The following TAF4 variants were observed in gnomAD, a reference collection of about 807,000 sequenced individuals.
The protein encoded by TAF4 is transcription initiation factor TFIID subunit 4.
In TAF4, 9 loss-of-function variants were observed where a neutral mutation model predicts 90.3. The ratio of observed to expected loss-of-function variants is 0.10; its 90% CI spans 0.06 to 0.17. The LOEUF is 0.17. Ranked by LOEUF, TAF4 falls within the 10% of genes least tolerant of loss-of-function variation. The pLI, the probability that TAF4 is intolerant of heterozygous loss-of-function variation, is 1.00. For missense variants in TAF4, 1,351 were observed against 1,370.7 expected (o/e 0.99, Z 0.23); for synonymous variants, 818 against 638.9 (o/e 1.28, Z -4.23).
At position 62,065,040 on chromosome 20, in the gene TAF4, G is replaced by C. The variant is rs1478613030; in HGVS notation, c.771C>G (p.Pro257=). 1 of 626,238 alleles carries C rather than the reference G, an allele frequency of 1.6e-6. No individual in the cohort carries two copies. Among genetic ancestry groups the C allele is most frequent in the Non-Finnish European group, 2.0e-6 (1 of 510,440 alleles). 38.8% of individuals were successfully genotyped at this position (626,238 alleles called of 1,614,324 possible). A position where few individuals can be genotyped will look rare whatever the true frequency, so the allele number is the denominator to read the frequency against. Residue 257 remains proline (P), a synonymous_variant, in exon 1 of 15, where the codon CCC becomes CCG. Transcript: ENST00000252996. ...AAPPAPAAPS[P]PAAPAPAAPA... ...GGGCGGCGGGCGCGGGGGCGGCGGG[G>C]GGCGAGGGCGCGGCGGGCGCGGGGG...
chr20:62,064,428 T>TC, intron 1 of TAF4, 23 bp downstream of exon 1: 1 of 1,332,540 alleles, frequency 7.5e-7, no homozygotes, highest in Non-Finnish European at 9.7e-7. Context: ...CGCCCTTCCC[T>TC]CCCGCCCCGT....
chr20:62,012,502 G>C (rs1196726898), intron 3 of TAF4: 1 of 218,790 alleles, frequency 4.6e-6, no homozygotes, highest in Non-Finnish European at 8.8e-6. Flanking sequence ...TTCTGCTTCA[G>C]ACATGCCTTA....
intron 1 of TAF4, among the ~76,000 whole-genome samples, chr20:62,020,425 C>T (rs575044475): frequency 7.2e-5 from 11 of 152,386 alleles, no homozygotes; most frequent in African/African-American, 2.4e-4. Context: ...GGTCCCAACC[C>T]TCAGCTGCTG....
Position 62,006,735 on chromosome 20 carries a change from C to A in TAF4, c.1998G>T (p.Gln666His). The stretch of plus-strand genomic sequence containing the variant: ...TGAAGGCCGCGGAGTCGGGGGTCAG[C>A]TGTCTCAAGGCGGGTAAGCTCCTCT... ...FLKRSLPALR[Q>H]LTPDSAAFIQ... The change falls in exon 7 of 15, where the codon CAG becomes CAT. Residue 666 changes from glutamine to histidine, a missense_variant. Physicochemically the swap from Gln to His is conservative, Grantham distance 24 (BLOSUM62 0). Transcript: ENST00000252996. The surrounding 1 kb of genome is among the most constrained non-coding windows in gnomAD (Gnocchi z 7.0). 1 of 1,543,340 alleles carries A rather than the reference C, an allele frequency of 6.5e-7. No individual in the cohort carries two copies. The highest frequency in any genetic ancestry group is 1.2e-5 in the South Asian group (1 of 83,736).
intron 14 of TAF4, among the ~76,000 whole-genome samples, chr20:61,985,746 C>T (rs571941243): frequency 5.3e-5 from 8 of 151,526 alleles, no homozygotes; most frequent in Middle Eastern, 3.4e-3. Flanking sequence ...GTGAGAAGGC[C>T]GCTGTGTTCA....
chr20:62,062,608 C>A (rs999716611), intron 1 of TAF4, among the ~76,000 whole-genome samples: 1 of 152,202 alleles, frequency 6.6e-6, no homozygotes, highest in Non-Finnish European at 1.5e-5. Flanking sequence ...ACAGGAATCA[C>A]GCACAGTCAA....
At chr20:61,994,698 G>C (rs1028437160) in intron 14 of TAF4, among the ~76,000 whole-genome samples, 3 of 152,160 alleles carry the variant, frequency 2.0e-5, no homozygotes, top group Non-Finnish European at 4.4e-5. Context: ...GGTGGGGAGG[G>C]GGAGCTCTGT....
At chr20:62,034,323 C>T (rs1351394090) in intron 1 of TAF4, among the ~76,000 whole-genome samples, 2 of 152,056 alleles carry the variant, frequency 1.3e-5, no homozygotes, top group African/African-American at 2.4e-5. Context: ...TTAGAAAACG[C>T]AATTTTTTGT....
At position 62,020,388 on chromosome 20, in the gene TAF4, C is replaced by T. The variant is rs553618384; in HGVS notation, c.1361-5681G>A. On this transcript the variant is annotated intron_variant, in intron 1 of 14. Coordinates refer to ENST00000252996, the MANE Select transcript of TAF4 (RefSeq NM_003185.4). ...GGCACGGAGCCAGGCGCTGAACAGT[C>T]GCCCCTGCCAGCCCACGGGGACACA... 2.0e-5 allele frequency among the ~76,000 whole-genome samples: 3 copies of T among 152,382 alleles called. No individual in the cohort carries two copies. The South Asian group carries it at 6.2e-4, about 32-fold the overall frequency.
intron 1 of TAF4, among the ~76,000 whole-genome samples, chr20:62,030,387 T>A (rs1244936680): frequency 6.6e-6 from 1 of 152,164 alleles, no homozygotes; most frequent in African/African-American, 2.4e-5. Context: ...TAATTTAGAT[T>A]CGCTTTCATG....
intron 9 of TAF4, 120 bp from the exon 10 acceptor site, chr20:62,000,841 G>T: frequency 9.5e-7 from 1 of 1,053,474 alleles, no homozygotes; most frequent in Non-Finnish European, 1.4e-6. Flanking sequence ...CCAGGCCTCT[G>T]TCCTCCCCGC....
intron 14 of TAF4, among the ~76,000 whole-genome samples, chr20:61,977,338 G>A (rs753267199): frequency 1.3e-5 from 2 of 152,254 alleles, no homozygotes; most frequent in Non-Finnish European, 2.9e-5. Context: ...GTTCTGCTCC[G>A]ATGGTGAAAG....
intron 1 of TAF4, among the ~76,000 whole-genome samples, chr20:62,057,396 A>G (rs1396471881): frequency 6.6e-6 from 1 of 152,222 alleles, no homozygotes; most frequent in African/African-American, 2.4e-5. Flanking sequence ...CAGGGCCCTC[A>G]TTCTAAAACC....
At chr20:62,046,840 C>T (rs1446266538) in intron 1 of TAF4, among the ~76,000 whole-genome samples, 12 of 152,140 alleles carry the variant, frequency 7.9e-5, no homozygotes, top group African/African-American at 2.2e-4. Context: ...AGCACCTTTT[C>T]GTACACCTGC....
intron 1 of TAF4, among the ~76,000 whole-genome samples, chr20:62,019,668 G>A (rs2055831498): frequency 6.6e-6 from 1 of 152,174 alleles, no homozygotes; most frequent in Non-Finnish European, 1.5e-5. Flanking sequence ...GCCTCCCCCA[G>A]AGCCTTCCAG....
chr20:62,056,979 C>T (rs368020867), intron 1 of TAF4, among the ~76,000 whole-genome samples: 2 of 152,336 alleles, frequency 1.3e-5, no homozygotes, highest in East Asian at 3.9e-4. Flanking sequence ...GCAAGGCAGG[C>T]CTGTGCGTTC....
intron 3 of TAF4, chr20:62,012,028 A>G (rs28382058): frequency 6.6e-6 from 1 of 152,260 alleles, no homozygotes; most frequent in Non-Finnish European, 1.5e-5. Flanking sequence ...TGGCCTGCAC[A>G]CAAACCCTTC....
chr20:61,975,718 T>C lies in TAF4; in HGVS notation c.*450A>G, dbSNP rs2055489962. 1 of 162,592 alleles carries C rather than the reference T, an allele frequency of 6.2e-6. No homozygotes were observed. The highest frequency in any genetic ancestry group is 1.3e-5 in the Non-Finnish European group (1 of 74,180). The allele number at this position is 162,592 out of a possible 1,614,324, so 10.1% of individuals were successfully genotyped here. ...AGGGGAAGGGAAGGAAGATAAATAG[T>C]CTAAAAAATCAGTTTGCTTTGCCAA... On this transcript the variant is annotated 3_prime_UTR_variant, in exon 15 of 15. Transcript: ENST00000252996.
chr20:62,036,880 AT>A (rs561460699), intron 1 of TAF4, among the ~76,000 whole-genome samples: 110 of 152,360 alleles, frequency 7.2e-4, no homozygotes, highest in African/African-American at 2.6e-3. Flanking sequence ...CCCAGCCCTC[AT>A]TAACCGGATT....
Sources: allele counts gnomAD v4.1 joint callset (sites outside exome capture counted in the v4.1 genomes callset), GRCh38; gene constraint gnomAD v4.1.1; non-coding constraint Gnocchi (gnomAD v3.1); transcripts MANE v1.5; gene names NCBI Gene and HGNC (gene_info 2026-07-23, HGNC 2026-07-21).